Variants in PTPRT observed in about 807,000 individuals in gnomAD.
PTPRT encodes the protein receptor-type tyrosine-protein phosphatase T.
PTPRT carries 56 observed loss-of-function variants against 176.8 expected under a neutral mutation model. The observed-to-expected ratio is 0.32, with a 90% CI of 0.26 to 0.40. PTPRT has a LOEUF of 0.40. PTPRT is among the 10% of genes least tolerant of loss of function. The probability of loss-of-function intolerance (pLI) is 1.00; values close to 1 mark genes in which losing one functional copy is unlikely to be tolerated. For synonymous variants in PTPRT, 783 were observed against 739.0 expected, an observed-to-expected ratio of 1.06 and a Z score of -0.96; for missense variants, 1,540 against 1,908.2, an observed-to-expected ratio of 0.81 and a Z score of 3.60.
chr20:42,705,078 G>A (rs913518741), intron 6 of PTPRT, among the ~76,000 whole-genome samples: 1 of 152,020 alleles, frequency 6.6e-6, no homozygotes, highest in Non-Finnish European at 1.5e-5. Flanking sequence ...GGTGGTGCAT[G>A]CCTGTAATCC....
At chr20:43,111,367 G>A (rs976995075) in intron 1 of PTPRT, among the ~76,000 whole-genome samples, 8 of 151,220 alleles carry the variant, frequency 5.3e-5, no homozygotes, top group African/African-American at 9.7e-5. Flanking sequence ...GTGAAACCCC[G>A]TCTCTGCTAA....
chr20:42,957,491 C>T (rs1456521993), intron 1 of PTPRT, among the ~76,000 whole-genome samples: 1 of 152,092 alleles, frequency 6.6e-6, no homozygotes, highest in Non-Finnish European at 1.5e-5. Context: ...GAGAGAGACG[C>T]CAGAGCATAC....
At position 42,702,506 on chromosome 20, in the gene PTPRT, T is replaced by C. The variant is rs565833141; in HGVS notation, c.860-24347A>G. Among the ~76,000 whole-genome samples, 157 of 152,280 alleles carry C rather than the reference T, an allele frequency of 1.0e-3. 1 individual carries two copies. Among genetic ancestry groups the C allele is most frequent in the African/African-American group, 3.7e-3 (152 of 41,556 alleles). The stretch of plus-strand genomic sequence containing the variant: ...CTGTACTGCATCTGACAAAGCTCCC[T>C]TGACACACTGAACCCCCATGGATCC... On this transcript the variant is annotated intron_variant, in intron 6 of 30. Transcript: ENST00000373187.
intron 1 of PTPRT, among the ~76,000 whole-genome samples, chr20:42,892,558 T>A (rs2079213163): frequency 6.6e-6 from 1 of 151,870 alleles, no homozygotes; most frequent in African/African-American, 2.4e-5. Flanking sequence ...CCCTCCGTGG[T>A]AGGCACTACT....
At chr20:42,713,047 A>G (rs1328541632) in intron 6 of PTPRT, among the ~76,000 whole-genome samples, 1 of 152,122 alleles carries the variant, frequency 6.6e-6, no homozygotes, top group African/African-American at 2.4e-5. Context: ...ATACGCTACA[A>G]TTTATGTAAG....
intron 1 of PTPRT, among the ~76,000 whole-genome samples, chr20:43,036,785 G>T (rs537327158): frequency 5.9e-5 from 9 of 152,274 alleles, no homozygotes; most frequent in African/African-American, 2.2e-4. Context: ...CTTTCAGGTT[G>T]CAGTTAAAGC....
At chr20:43,102,601 C>T (rs1204884122) in intron 1 of PTPRT, among the ~76,000 whole-genome samples, 1 of 152,228 alleles carries the variant, frequency 6.6e-6, no homozygotes, top group East Asian at 1.9e-4. Flanking sequence ...GGGCGACCTG[C>T]ATCTCCAGAG....
rs535305116 is a variant in PTPRT at position 42,521,560 on chromosome 20, T to C, written c.1154-48998A>G. Among the ~76,000 whole-genome samples, 3 of 152,318 alleles carry C rather than the reference T, an allele frequency of 2.0e-5. No individual in the cohort carries two copies. In the East Asian group the frequency reaches 5.8e-4, roughly 29 times the overall value. On this transcript the variant is annotated intron_variant, in intron 7 of 30. Transcript: ENST00000373187. ...ATAGCCATTCAATACTGTACTTTTT[T>C]CCATAGAATATTTATTTAATGTTCA...
chr20:42,798,110 G>A (rs1428846507), intron 2 of PTPRT, among the ~76,000 whole-genome samples: 2 of 152,128 alleles, frequency 1.3e-5, no homozygotes, highest in Non-Finnish European at 2.9e-5. Flanking sequence ...CTTTTGCCCA[G>A]GTGATACCCT....
intron 2 of PTPRT, among the ~76,000 whole-genome samples, chr20:42,867,683 C>CTTT (rs5841476): frequency 0.033 from 3,766 of 113,350 alleles, 225 homozygotes; most frequent in African/African-American, 0.11. Flanking sequence ...TACATATGGC[C>CTTT]TTTTTTTTTT....
chr20:42,227,393 A>AG (rs2056038542), intron 15 of PTPRT, among the ~76,000 whole-genome samples: 2 of 151,934 alleles, frequency 1.3e-5, no homozygotes, highest in African/African-American at 4.8e-5. Context: ...CAAGTTCTGA[A>AG]GGGGGGCTGT....
intron 9 of PTPRT, among the ~76,000 whole-genome samples, chr20:42,425,952 G>C (rs373990010): frequency 1.9e-4 from 29 of 152,302 alleles, no homozygotes; most frequent in African/African-American, 7.0e-4. Context: ...CCAGAACATA[G>C]AGGTGGAAAA....
chr20:42,706,492 A>G (rs2076061808), intron 6 of PTPRT, among the ~76,000 whole-genome samples: 4 of 152,034 alleles, frequency 2.6e-5, no homozygotes, highest in Non-Finnish European at 5.9e-5. Flanking sequence ...AAGTATTTTT[A>G]TCCTGTGAAA....
At chr20:42,209,097 A>G (rs900082725) in intron 15 of PTPRT, among the ~76,000 whole-genome samples, 2 of 152,216 alleles carry the variant, frequency 1.3e-5, no homozygotes, top group East Asian at 1.9e-4. Flanking sequence ...TTTGAAACCA[A>G]TGAGAACAAA....
intron 9 of PTPRT, among the ~76,000 whole-genome samples, chr20:42,360,771 A>G (rs2058422037): frequency 1.3e-5 from 2 of 152,304 alleles, no homozygotes; most frequent in South Asian, 4.1e-4. Flanking sequence ...AAGTTAAATA[A>G]TCCCATGATC....
intron 2 of PTPRT, among the ~76,000 whole-genome samples, chr20:42,879,136 G>A (rs2078976372): frequency 6.6e-6 from 1 of 152,214 alleles, no homozygotes; most frequent in South Asian, 2.1e-4. Flanking sequence ...GGGTACTGAT[G>A]TGTAATTGAC....
intron 1 of PTPRT, among the ~76,000 whole-genome samples, chr20:43,079,961 C>G (rs559095779): frequency 3.6e-4 from 55 of 152,188 alleles, no homozygotes; most frequent in African/African-American, 1.3e-3. Flanking sequence ...ATTAACTAAC[C>G]ATAATGTTTG....
At chr20:42,384,414 T>C (rs924246776) in intron 9 of PTPRT, among the ~76,000 whole-genome samples, 11 of 152,114 alleles carry the variant, frequency 7.2e-5, no homozygotes, top group African/African-American at 2.2e-4. Flanking sequence ...AGGATTCTGA[T>C]GGGTGGACAA....
chr20:42,334,815 G>A (rs923596415), intron 11 of PTPRT, among the ~76,000 whole-genome samples: 2 of 152,198 alleles, frequency 1.3e-5, no homozygotes, highest in African/African-American at 4.8e-5. Flanking sequence ...CGATAATAAT[G>A]CCTCCATCAT....
Sources: gnomAD v4.1 joint callset for allele counts (sites outside exome capture counted in the v4.1 genomes callset) on GRCh38, gnomAD v4.1.1 for gene constraint, MANE v1.5 for transcripts, NCBI Gene and HGNC (gene_info 2026-07-23, HGNC 2026-07-21) for gene names.